Variants in CASD1 observed in about 807,000 individuals in gnomAD.
CASD1 encodes the protein N-acetylneuraminate (7)9-O-acetyltransferase.
A neutral mutation model predicts 100.0 loss-of-function variants in CASD1; 41 were observed. The observed-to-expected ratio is 0.41, with a 90% CI of 0.32 to 0.53. The LOEUF is 0.53. CASD1 is among the 20% of genes least tolerant of loss of function. CASD1 has a pLI of 0.25. For missense variants in CASD1, 774 were observed against 948.7 expected (o/e 0.82, Z 2.42); for synonymous variants, 321 against 315.6 (o/e 1.02, Z -0.18).
At position 94,509,954 on chromosome 7, in the gene CASD1, G is replaced by A; in HGVS notation, c.-131G>A. 3 of 1,207,822 alleles carry A rather than the reference G, an allele frequency of 2.5e-6. No homozygotes were observed. The highest frequency in any genetic ancestry group is 3.1e-6 in the Non-Finnish European group (3 of 964,838). The allele number at this position is 1,207,822 out of a possible 1,614,324, so 74.8% of individuals were successfully genotyped here. On this transcript the variant is annotated 5_prime_UTR_variant, in exon 1 of 18. Coordinates refer to ENST00000297273, the MANE Select transcript of CASD1 (RefSeq NM_022900.5). ...GCCGCGGGGTCAGGTTCCCCGGCGG[G>A]AGGCGCAGGTGGCGGCCTGGGGAGC...
At chr7:94,594,461 T>C in the CASD1 span, 1 of 151,992 alleles carries the variant, frequency 6.6e-6, no homozygotes, top group Non-Finnish European at 1.5e-5. Context: ...ACTGTCGAGG[T>C]CATGGGACAC....
chr7:94,599,498 T>C, the CASD1 span: 1 of 584,928 alleles, frequency 1.7e-6, no homozygotes, highest in Non-Finnish European at 3.0e-6. Flanking sequence ...ATCTGTGTAA[T>C]CTTAGTTTTC....
intron 4 of CASD1, among the ~76,000 whole-genome samples, chr7:94,527,671 ATAAG>A (rs916413825): frequency 1.6e-4 from 25 of 152,218 alleles, no homozygotes; most frequent in African/African-American, 5.5e-4. Context: ...GGCTTCAAAA[ATAAG>A]TAAGAATTAG....
the CASD1 span, among the ~76,000 whole-genome samples, chr7:94,601,443 C>CAA: frequency 3.0e-3 from 268 of 89,268 alleles, 24 homozygotes; most frequent in East Asian, 6.2e-3. Flanking sequence ...ATCCCAGTAT[C>CAA]AAAAAAAAAA....
In CASD1 at chr7:94,537,608, A is replaced by G; in HGVS notation, c.980A>G (p.Tyr327Cys). Residue 327 changes from tyrosine (Y) to cysteine (C), a missense_variant, in exon 9 of 18, where the codon TAT becomes TGT. This residue lies in a region of CASD1 where 453 missense variants were observed against 532.6 expected (regional missense o/e 0.85). Transcript: ENST00000297273. ...TTTTTCACTTTATCTATTATCGGATATTTAATTTTTTACATAATTCATCGT... is the reference window on the plus strand; with the variant it reads ...TTTTTCACTTTATCTATTATCGGATGTTTAATTTTTTACATAATTCATCGT... The part of the protein sequence containing the change: ...ACFFTLSIIG[Y>C]LIFYIIHRNA... 1 of 1,613,914 alleles carries G rather than the reference A, an allele frequency of 6.2e-7. No individual in the cohort carries two copies. Among genetic ancestry groups the G allele is most frequent in the Non-Finnish European group, 8.5e-7 (1 of 1,179,886 alleles).
the CASD1 span, chr7:94,627,226 A>C: frequency 6.6e-6 from 1 of 152,046 alleles, no homozygotes; most frequent in Non-Finnish European, 1.5e-5. Flanking sequence ...TTGGAGAAAA[A>C]TTCATAGTAT....
intron 6 of CASD1, 24 bp from the exon 7 acceptor site, chr7:94,533,655 T>C: frequency 6.4e-7 from 1 of 1,554,586 alleles, no homozygotes; most frequent in Middle Eastern, 1.8e-4. Context: ...ACTAAATTAA[T>C]GCATAATTTG....
At chr7:94,570,569 A>T in the CASD1 span, among the ~76,000 whole-genome samples, 1 of 152,088 alleles carries the variant, frequency 6.6e-6, no homozygotes, top group Non-Finnish European at 1.5e-5. Context: ...ATCTCGGCTC[A>T]CTGCAACATC....
the CASD1 span, chr7:94,625,001 A>T: frequency 6.6e-6 from 1 of 152,064 alleles, no homozygotes; most frequent in Non-Finnish European, 1.5e-5. Flanking sequence ...TAGTCCTTCT[A>T]TCACTTCCAA....
the CASD1 span, among the ~76,000 whole-genome samples, chr7:94,577,796 T>A: frequency 6.6e-6 from 1 of 152,190 alleles, no homozygotes; most frequent in Non-Finnish European, 1.5e-5. Flanking sequence ...GGGAAAATGT[T>A]TTTATACTGG....
At chr7:94,515,934 A>G (rs1213105657) in intron 1 of CASD1, among the ~76,000 whole-genome samples, 1 of 152,128 alleles carries the variant, frequency 6.6e-6, no homozygotes, top group Non-Finnish European at 1.5e-5. Context: ...TTTTAATAAG[A>G]TTTTACCATA....
the CASD1 span, among the ~76,000 whole-genome samples, chr7:94,605,549 T>C: frequency 6.6e-6 from 1 of 152,240 alleles, no homozygotes; most frequent in South Asian, 2.1e-4. Flanking sequence ...AAGACAGGGA[T>C]TATTTTATCA....
In CASD1 at chr7:94,544,467, A is replaced by G. The variant is rs1159508477; in HGVS notation, c.1413A>G (p.Thr471=). ...RVLVAAYLFQ[T]GYGHFSYFWI... ...TGGTTGCTGCATATTTATTTCAGAC[A>G]GGGTATGGGCATTTCTCATACTTTT... The change falls in exon 11 of 18, where the codon ACA becomes ACG. Residue 471 remains threonine (T), a synonymous_variant. Transcript: ENST00000297273. 2 of 1,613,288 alleles carry G rather than the reference A, an allele frequency of 1.2e-6. No homozygotes were observed. The highest frequency in any genetic ancestry group is 1.7e-5 in the Admixed American group (1 of 59,984).
At chr7:94,552,486 T>C (rs1795999563) in intron 16 of CASD1, 59 bp downstream of exon 16, 1 of 1,306,650 alleles carries the variant, frequency 7.7e-7, no homozygotes, top group Admixed American at 2.2e-5. Flanking sequence ...AAATGGTTTT[T>C]AGAGGCAGAG....
At chr7:94,615,389 G>A in the CASD1 span, among the ~76,000 whole-genome samples, 1 of 148,572 alleles carries the variant, frequency 6.7e-6, no homozygotes, top group African/African-American at 2.5e-5. Flanking sequence ...TAGATAGATA[G>A]ATAGATAGAT....
intron 7 of CASD1, 91 bp downstream of exon 7, chr7:94,533,893 C>A: frequency 8.7e-7 from 1 of 1,155,458 alleles, no homozygotes; most frequent in Non-Finnish European, 1.2e-6. Context: ...AGAATTACTG[C>A]TTTATGAGAA....
chr7:94,570,068 C>T, the CASD1 span, among the ~76,000 whole-genome samples: 1 of 152,144 alleles, frequency 6.6e-6, no homozygotes, highest in Non-Finnish European at 1.5e-5. Flanking sequence ...CTGCCTCAGC[C>T]TCCCAAAGTG....
chr7:94,603,749 A>T, the CASD1 span, among the ~76,000 whole-genome samples: 1 of 152,088 alleles, frequency 6.6e-6, no homozygotes, highest in African/African-American at 2.4e-5. Context: ...AACATGCATC[A>T]TATTCTGATT....
At chr7:94,604,843 AT>A in the CASD1 span, among the ~76,000 whole-genome samples, 45 of 75,530 alleles carry the variant, frequency 6.0e-4, no homozygotes, top group Non-Finnish European at 1.1e-3. Flanking sequence ...ATATATATAT[AT>A]ATATATATAT....
Sources: gnomAD v4.1 joint callset for allele counts (sites outside exome capture counted in the v4.1 genomes callset) on GRCh38, gnomAD v4.1.1 for gene constraint, gnomAD v4.1.1 regional missense constraint, MANE v1.5 for transcripts, NCBI Gene and HGNC (gene_info 2026-07-23, HGNC 2026-07-21) for gene names.